The following CDKAL1 variants were observed in gnomAD, a reference collection of about 807,000 sequenced individuals.
CDKAL1 encodes the protein threonylcarbamoyladenosine tRNA methylthiotransferase.
In CDKAL1, 32 loss-of-function variants were observed where a neutral mutation model predicts 68.2. The observed-to-expected ratio is 0.47, with a 90% CI of 0.35 to 0.63. CDKAL1 has a LOEUF of 0.63. CDKAL1 is among the 30% of genes least tolerant of loss of function. CDKAL1 has a pLI of 0.00. For synonymous variants in CDKAL1, 234 were observed against 244.3 expected (o/e 0.96, Z 0.39); for missense variants, 606 against 696.7 (o/e 0.87, Z 1.47).
intron 9 of CDKAL1, among the ~76,000 whole-genome samples, chr6:20,891,262 T>C (rs1479412641): frequency 6.6e-6 from 1 of 152,190 alleles, no homozygotes; most frequent in Non-Finnish European, 1.5e-5. Flanking sequence ...CTTCCTCTTC[T>C]TATCTCCTCA....
chr6:20,880,165 C>T (rs1440573585), intron 9 of CDKAL1, among the ~76,000 whole-genome samples: 1 of 152,192 alleles, frequency 6.6e-6, no homozygotes, highest in East Asian at 1.9e-4. Flanking sequence ...TAGCTACAGG[C>T]TTCGGAATGC....
At chr6:20,724,476 G>A (rs990581733) in intron 5 of CDKAL1, among the ~76,000 whole-genome samples, 1 of 152,040 alleles carries the variant, frequency 6.6e-6, no homozygotes, top group African/African-American at 2.4e-5. Flanking sequence ...CAGCACTTTG[G>A]GAGGCCAAGG....
At chr6:20,860,556 G>C (rs1759558442) in intron 9 of CDKAL1, among the ~76,000 whole-genome samples, 1 of 152,168 alleles carries the variant, frequency 6.6e-6, no homozygotes, top group Admixed American at 6.5e-5. Flanking sequence ...TGGGCACGGT[G>C]GCTCACGCCT....
At chr6:21,129,790 T>C (rs1775207408) in intron 13 of CDKAL1, among the ~76,000 whole-genome samples, 1 of 151,752 alleles carries the variant, frequency 6.6e-6, no homozygotes, top group Middle Eastern at 3.4e-3. Context: ...AATGCATTGA[T>C]GGTAGATAGC....
chr6:21,169,020 G>A (rs1199393498), intron 13 of CDKAL1, among the ~76,000 whole-genome samples: 1 of 152,188 alleles, frequency 6.6e-6, no homozygotes, highest in African/African-American at 2.4e-5. Context: ...AGACTTGTGA[G>A]AAATTCATGT....
intron 4 of CDKAL1, among the ~76,000 whole-genome samples, chr6:20,583,225 T>C (rs1204184019): frequency 6.6e-6 from 1 of 152,184 alleles, no homozygotes. Context: ...TGAAGTGTAC[T>C]CTTTTTACCC....
intron 8 of CDKAL1, among the ~76,000 whole-genome samples, chr6:20,791,452 T>A (rs912791835): frequency 6.6e-6 from 1 of 152,132 alleles, no homozygotes; most frequent in African/African-American, 2.4e-5. Context: ...AACCATAACG[T>A]CAGTGGCCTC....
At chr6:20,664,614 A>C (rs781529859) in intron 5 of CDKAL1, among the ~76,000 whole-genome samples, 1 of 152,200 alleles carries the variant, frequency 6.6e-6, no homozygotes, top group African/African-American at 2.4e-5. Flanking sequence ...AACATTGATT[A>C]ACTCTTTTGA....
At chr6:20,988,116 G>GGT (rs1391041662) in intron 10 of CDKAL1, among the ~76,000 whole-genome samples, 2 of 150,114 alleles carry the variant, frequency 1.3e-5, no homozygotes, top group Admixed American at 1.3e-4. Context: ...TCTAAACTTT[G>GGT]GTGTTTTTAT....
chr6:21,048,963 T>G (rs1490122309), intron 11 of CDKAL1, among the ~76,000 whole-genome samples: 1 of 152,180 alleles, frequency 6.6e-6, no homozygotes, highest in African/African-American at 2.4e-5. Flanking sequence ...AAGTTGATTA[T>G]TTCTGTAATT....
chr6:20,794,826 A>G (rs916547177), intron 8 of CDKAL1, among the ~76,000 whole-genome samples: 1 of 152,102 alleles, frequency 6.6e-6, no homozygotes, highest in African/African-American at 2.4e-5. Flanking sequence ...GGGGTCAGTG[A>G]AAGGATTAGA....
chr6:20,620,872 G>A (rs1767161490), intron 4 of CDKAL1, among the ~76,000 whole-genome samples: 1 of 151,954 alleles, frequency 6.6e-6, no homozygotes, highest in African/African-American at 2.4e-5. Context: ...TATTAGTACG[G>A]TATGTTTGTT....
chr6:20,917,724 T>C (rs1270412300), intron 9 of CDKAL1, among the ~76,000 whole-genome samples: 1 of 152,192 alleles, frequency 6.6e-6, no homozygotes, highest in Non-Finnish European at 1.5e-5. Context: ...TAGGTTAGCT[T>C]CCACATATGA....
intron 4 of CDKAL1, among the ~76,000 whole-genome samples, chr6:20,578,739 A>G (rs926578383): frequency 2.0e-5 from 3 of 152,190 alleles, no homozygotes; most frequent in Admixed American, 6.5e-5. Flanking sequence ...TACGGCAGAC[A>G]TGTTCGGTGA....
At chr6:21,190,968 T>A (rs1778212988) in intron 13 of CDKAL1, among the ~76,000 whole-genome samples, 1 of 152,200 alleles carries the variant, frequency 6.6e-6, no homozygotes, top group South Asian at 2.1e-4. Flanking sequence ...GAAAAAAAAG[T>A]TATAAAGAGA....
intron 10 of CDKAL1, among the ~76,000 whole-genome samples, chr6:20,963,436 C>T (rs1345801520): frequency 6.6e-6 from 1 of 152,162 alleles, no homozygotes; most frequent in Non-Finnish European, 1.5e-5. Flanking sequence ...GAAGCCAAAG[C>T]TTTTCTTGAT....
intron 13 of CDKAL1, among the ~76,000 whole-genome samples, chr6:21,176,186 C>T (rs974492190): frequency 3.9e-5 from 6 of 152,204 alleles, no homozygotes; most frequent in Non-Finnish European, 5.9e-5. Context: ...TTAGGTGGAA[C>T]AGATGTTAAT....
chr6:21,132,486 C>T (rs1775378134), intron 13 of CDKAL1, among the ~76,000 whole-genome samples: 1 of 150,864 alleles, frequency 6.6e-6, no homozygotes, highest in Non-Finnish European at 1.5e-5. Flanking sequence ...AGCCATTATA[C>T]ATAAGGTCTT....
intron 9 of CDKAL1, among the ~76,000 whole-genome samples, chr6:20,936,739 A>C (rs1405531887): frequency 6.6e-6 from 1 of 152,160 alleles, no homozygotes; most frequent in African/African-American, 2.4e-5. Context: ...TTAAAGAAAA[A>C]TGTGTTCATT....
Sources: gnomAD v4.1 joint callset for allele counts (sites outside exome capture counted in the v4.1 genomes callset) on GRCh38, gnomAD v4.1.1 for gene constraint, MANE v1.5 for transcripts, NCBI Gene and HGNC (gene_info 2026-07-23, HGNC 2026-07-21) for gene names.